MALT1: variants seen among roughly 807,000 people sequenced by gnomAD.
MALT1 encodes the protein mucosa-associated lymphoid tissue lymphoma translocation protein 1.
A neutral mutation model predicts 85.5 loss-of-function variants in MALT1; 36 were observed. The observed-to-expected ratio is 0.42, with a 90% CI of 0.32 to 0.56. MALT1 has a LOEUF of 0.56. Ranked by LOEUF, MALT1 falls within the 20% of genes least tolerant of loss-of-function variation. The pLI, the probability that MALT1 is intolerant of heterozygous loss-of-function variation, is 0.10. For missense variants in MALT1, 716 were observed against 981.6 expected (o/e 0.73, Z 3.62); for synonymous variants, 359 against 361.3 (o/e 0.99, Z 0.07).
intron 13 of MALT1, among the ~76,000 whole-genome samples, chr18:58,739,038 GAATA>G (rs982563675): frequency 7.9e-5 from 12 of 152,056 alleles, no homozygotes; most frequent in African/African-American, 2.4e-5. Context: ...TTTTTATTAT[GAATA>G]AATGAACAAG....
chr18:58,705,300 G>A (rs2054731858), intron 4 of MALT1, among the ~76,000 whole-genome samples: 1 of 118,482 alleles, frequency 8.4e-6, no homozygotes, highest in South Asian at 2.5e-4. Context: ...GTGTGTGTGT[G>A]TGTGTGTGTG....
Position 58,744,577 on chromosome 18 carries a change from G to A in MALT1, c.1911+82G>A, listed in dbSNP as rs914454020. On this transcript the variant is annotated intron_variant, in intron 15 of 16. Coordinates refer to ENST00000649217, the MANE Select transcript of MALT1 (RefSeq NM_006785.4). ...AATTTTTTAAAACTTAAAGTTGATG[G>A]TAAATATAAAGGAAATATATATATT... 1.8e-4 allele frequency: 123 copies of A among 689,514 alleles called. 1 individual carries two copies. The highest frequency in any genetic ancestry group is 1.2e-3 in the East Asian group (36 of 30,092). The allele number at this position is 689,514 out of a possible 1,614,324, so 42.7% of individuals were successfully genotyped here.
At chr18:58,727,616 G>GGTTTTTT (rs1555688173) in intron 10 of MALT1, among the ~76,000 whole-genome samples, 1 of 121,264 alleles carries the variant, frequency 8.2e-6, no homozygotes, top group African/African-American at 3.3e-5. Context: ...GGTTTTTTGT[G>GGTTTTTT]TTTTTTTTTT....
chr18:58,717,208 C>A (rs964582251), intron 9 of MALT1, among the ~76,000 whole-genome samples: 3 of 151,886 alleles, frequency 2.0e-5, no homozygotes, highest in Non-Finnish European at 4.4e-5. Flanking sequence ...ACTAAAAATA[C>A]AAAAATTAGC....
intron 13 of MALT1, among the ~76,000 whole-genome samples, chr18:58,738,492 T>G (rs11661094): frequency 0.17 from 25,866 of 152,184 alleles, 2,253 homozygotes; most frequent in Admixed American, 0.21. Flanking sequence ...TGAATTTCTT[T>G]GCAGTATAAT....
intron 10 of MALT1, among the ~76,000 whole-genome samples, chr18:58,731,852 T>A (rs1315169256): frequency 5.3e-5 from 8 of 152,190 alleles, no homozygotes; most frequent in African/African-American, 1.9e-4. Context: ...TGTCCTTCTT[T>A]TTTGTTTCTC....
chr18:58,750,953 T>C lies in MALT1; in HGVS notation c.*3111T>C, dbSNP rs555818508. On this transcript the variant is annotated 3_prime_UTR_variant, in exon 17 of 17. Transcript: ENST00000649217. ...GTTAACCCTCAGAATGGGAGAAAAA[T>C]TTTTGAAAAATCATGTATCTGATAA... 1.3e-5 allele frequency: 2 copies of C among 152,142 alleles called. No homozygotes were observed. The highest frequency in any genetic ancestry group is 3.4e-3 in the Middle Eastern group (1 of 294). The allele number at this position is 152,142 out of a possible 1,614,324, so 9.4% of individuals were successfully genotyped here. A position where few individuals can be genotyped will look rare whatever the true frequency, so the allele number is the denominator to read the frequency against.
In MALT1 at chr18:58,714,026, A is replaced by G. The variant is rs145536682; in HGVS notation, c.959-57A>G. On this transcript the variant is annotated intron_variant, in intron 7 of 16. Coordinates refer to ENST00000649217, the MANE Select transcript of MALT1 (RefSeq NM_006785.4). The stretch of plus-strand genomic sequence containing the variant: ...CAAAACTACTTGGATTAGTCTTACT[A>G]TTTGTGCTAAATTGGTGTTTAGATT... The G allele has an allele frequency of 9.8e-4, 810 of 823,434 alleles. 7 individuals are homozygous for G. Among genetic ancestry groups the G allele is most frequent in the South Asian group, 8.8e-3 (618 of 70,392 alleles). 51.0% of individuals were successfully genotyped at this position (823,434 alleles called of 1,614,324 possible). A position where few individuals can be genotyped will look rare whatever the true frequency, so the allele number is the denominator to read the frequency against.
rs768104703 is a variant in MALT1, at chr18:58,715,982, A to G, written c.1018+15A>G. On this transcript the variant is annotated intron_variant, in intron 9 of 16. Transcript: ENST00000649217. Reference sequence around the variant, plus strand: ...CCAGCCTTTGGGTGAGTAGAACTTTAAAATGCATTATCAAAGTATAATTAT... The same window carrying G: ...CCAGCCTTTGGGTGAGTAGAACTTTGAAATGCATTATCAAAGTATAATTAT... 52 of 1,570,042 alleles carry G rather than the reference A, an allele frequency of 3.3e-5. No homozygotes were observed. The Admixed American group carries it at 9.3e-4, about 28-fold the overall frequency.
At chr18:58,732,425 GATT>G (rs1293158621) in intron 10 of MALT1, among the ~76,000 whole-genome samples, 1 of 152,100 alleles carries the variant, frequency 6.6e-6, no homozygotes, top group Non-Finnish European at 1.5e-5. Context: ...CCAAATTTTA[GATT>G]ATTGAGTCAA....
chr18:58,720,271 C>T (rs2054965197), intron 9 of MALT1, among the ~76,000 whole-genome samples: 1 of 152,166 alleles, frequency 6.6e-6, no homozygotes. Flanking sequence ...TTGAAGTTTT[C>T]TTTATTCCTC....
chr18:58,739,949 A>G (rs2144480537), intron 13 of MALT1, among the ~76,000 whole-genome samples: 1 of 152,320 alleles, frequency 6.6e-6, no homozygotes, highest in Non-Finnish European at 1.5e-5. Flanking sequence ...TCTGTTCCCT[A>G]ATGTTTATGG....
chr18:58,713,509 A>G (rs2054860671), intron 7 of MALT1, among the ~76,000 whole-genome samples: 1 of 152,154 alleles, frequency 6.6e-6, no homozygotes, highest in Non-Finnish European at 1.5e-5. Flanking sequence ...CAGGTGTCAG[A>G]ACCAAGAAGA....
intron 11 of MALT1, 123 bp downstream of exon 11, chr18:58,733,697 TG>T: frequency 2.4e-6 from 2 of 844,030 alleles, no homozygotes; most frequent in Admixed American, 3.1e-5. Context: ...ACATTGAAAC[TG>T]GAAGAACAAA....
At chr18:58,737,227 C>T (rs964479079) in intron 13 of MALT1, among the ~76,000 whole-genome samples, 1 of 152,020 alleles carries the variant, frequency 6.6e-6, no homozygotes, top group African/African-American at 2.4e-5. Flanking sequence ...TGCCTGTAAT[C>T]CCAGCATTTG....
intron 10 of MALT1, 152 bp downstream of exon 10, chr18:58,723,403 TTCA>T (rs2055011372): frequency 1.8e-6 from 1 of 550,822 alleles, no homozygotes; most frequent in Non-Finnish European, 3.1e-6. Flanking sequence ...ACATTTGATC[TTCA>T]TTCCATCTGA....
At chr18:58,710,733 C>T (rs534088649) in intron 6 of MALT1, among the ~76,000 whole-genome samples, 188 bp from the exon 7 acceptor site, 5 of 152,132 alleles carry the variant, frequency 3.3e-5, no homozygotes, top group East Asian at 1.9e-4. Flanking sequence ...TTCTTAACTG[C>T]GTAATTTGGG....
At position 58,723,033 on chromosome 18, in the gene MALT1, CT is replaced by C. The variant is rs760010868; in HGVS notation, c.1019-6del. 58 of 1,573,164 alleles carry C rather than the reference CT, an allele frequency of 3.7e-5. No homozygotes were observed. The highest frequency in any genetic ancestry group is 1.7e-4 in the Middle Eastern group (1 of 5,946). On this transcript the variant is annotated splice_polypyrimidine_tract_variant and intron_variant, in intron 9 of 16. Transcript: ENST00000649217. ...TATATCTTCTTTAAACACCCCCTTT[CT>C]TTTTTTTTCAAAGCGAAGGACAAGG...
chr18:58,688,705 T>G (rs984007880), intron 2 of MALT1, among the ~76,000 whole-genome samples: 13 of 152,154 alleles, frequency 8.5e-5, no homozygotes, highest in African/African-American at 3.1e-4. Flanking sequence ...ATCCTTCTTG[T>G]CTCTTATCTC....
Sources: gnomAD v4.1 joint callset for allele counts (sites outside exome capture counted in the v4.1 genomes callset) on GRCh38, gnomAD v4.1.1 for gene constraint, MANE v1.5 for transcripts, NCBI Gene and HGNC (gene_info 2026-07-23, HGNC 2026-07-21) for gene names.